Variants in MTSS1 observed in about 807,000 individuals in gnomAD.
MTSS1 encodes protein MTSS 1.
In MTSS1, 18 loss-of-function variants were observed where a neutral mutation model predicts 79.0. That is an observed-to-expected ratio of 0.23 (90% CI 0.16 to 0.34). The LOEUF (loss-of-function observed/expected upper bound fraction) is 0.34. MTSS1 is among the 10% of genes least tolerant of loss of function. MTSS1 has a pLI of 1.00. For synonymous variants in MTSS1, 341 were observed against 368.6 expected (o/e 0.93, Z 0.86); for missense variants, 815 against 986.2 (o/e 0.83, Z 2.33).
At chr8:124,641,536 G>A (rs1361762529) in intron 3 of MTSS1, among the ~76,000 whole-genome samples, 7 of 152,186 alleles carry the variant, frequency 4.6e-5, no homozygotes, top group Admixed American at 4.6e-4. Context: ...TTGGAACACA[G>A]AAATTACTCA....
Position 124,648,987 on chromosome 8 carries a change from CAG to C in MTSS1, c.208+50537_208+50538del, listed in dbSNP as rs1428769054. 3.9e-5 allele frequency among the ~76,000 whole-genome samples: 6 copies of C among 152,258 alleles called. 1 individual carries two copies. The highest frequency in any genetic ancestry group is 2.0e-4 in the Admixed American group (3 of 15,286). ...GGATCCAGATTAATCTTCTCCAAAA[CAG>C]AGAGTTTCCCTTTCTATCTGTTGTG... is the stretch of plus-strand genomic sequence containing the variant. On this transcript the variant is annotated intron_variant, in intron 3 of 13. Coordinates refer to ENST00000518547, the MANE Select transcript of MTSS1 (RefSeq NM_014751.6).
At chr8:124,572,217 TAAAGGACTCTC>T (rs1827937307) in intron 6 of MTSS1, among the ~76,000 whole-genome samples, 1 of 152,136 alleles carries the variant, frequency 6.6e-6, no homozygotes, top group Non-Finnish European at 1.5e-5. Context: ...GTATTATAAT[TAAAGGACTCTC>T]AAATTGTAGC....
intron 1 of MTSS1, among the ~76,000 whole-genome samples, chr8:124,715,290 A>G (rs1831765065): frequency 6.6e-6 from 1 of 151,900 alleles, no homozygotes; most frequent in South Asian, 2.1e-4. Context: ...AAATACACAC[A>G]TACCTCTGTA....
At chr8:124,611,437 C>A (rs995749050) in intron 3 of MTSS1, among the ~76,000 whole-genome samples, 1 of 152,164 alleles carries the variant, frequency 6.6e-6, no homozygotes, top group Non-Finnish European at 1.5e-5. Flanking sequence ...AACACACGAC[C>A]TCCAGCTGTC....
chr8:124,663,632 C>T (rs1276438568), intron 3 of MTSS1, among the ~76,000 whole-genome samples: 2 of 152,156 alleles, frequency 1.3e-5, no homozygotes, highest in East Asian at 3.8e-4. Flanking sequence ...GCATATGTGG[C>T]TCCTTATTCC....
intron 5 of MTSS1, among the ~76,000 whole-genome samples, chr8:124,588,407 C>T (rs547815789): frequency 6.6e-6 from 1 of 152,346 alleles, no homozygotes; most frequent in South Asian, 2.1e-4. Context: ...ATGACCTGAA[C>T]AGGGGATGAG....
intron 3 of MTSS1, among the ~76,000 whole-genome samples, chr8:124,618,528 A>G (rs1812848701): frequency 6.6e-6 from 1 of 152,100 alleles, no homozygotes; most frequent in South Asian, 2.1e-4. Context: ...GGCAGAGTAG[A>G]CTCGGTGAAC....
At chr8:124,565,332 C>T (rs1826157376) in intron 9 of MTSS1, among the ~76,000 whole-genome samples, 2 of 152,236 alleles carry the variant, frequency 1.3e-5, no homozygotes, top group Admixed American at 6.5e-5. Flanking sequence ...AACCCAGGTT[C>T]ACCATTTTTT....
chr8:124,559,727 C>A (rs76933982), intron 10 of MTSS1, among the ~76,000 whole-genome samples: 12,013 of 152,190 alleles, frequency 0.079, 619 homozygotes, highest in Non-Finnish European at 0.11. Flanking sequence ...GTGCTCAAAA[C>A]ATAATGAATG....
At chr8:124,673,735 C>T (rs985938888) in intron 3 of MTSS1, among the ~76,000 whole-genome samples, 1 of 152,208 alleles carries the variant, frequency 6.6e-6, no homozygotes, top group Non-Finnish European at 1.5e-5. Context: ...TGTGGTGTGT[C>T]GAGCAGAGGA....
intron 3 of MTSS1, among the ~76,000 whole-genome samples, chr8:124,629,922 T>C (rs1228890445): frequency 6.6e-6 from 1 of 152,198 alleles, no homozygotes; most frequent in African/African-American, 2.4e-5. Flanking sequence ...ATGGAGCTAC[T>C]GCCCAGTGGC....
rs1363849264 is a variant in MTSS1, at chr8:124,683,502, G to T, written c.208+16024C>A. Among the ~76,000 whole-genome samples, 2 of 152,170 alleles carry T rather than the reference G, an allele frequency of 1.3e-5. No individual in the cohort carries two copies. Among genetic ancestry groups the T allele is most frequent in the Non-Finnish European group, 2.9e-5 (2 of 68,036 alleles). On this transcript the variant is annotated intron_variant, in intron 3 of 13. Coordinates refer to ENST00000518547, the MANE Select transcript of MTSS1 (RefSeq NM_014751.6). This position sits in a 1 kb window ranked among gnomAD's most constrained non-coding sequence, Gnocchi z 4.5. ...GCCAGCTTCTCTGACACCCTGGAAA[G>T]GAACTCAGAAACACAGGTGTCTCTC...
intron 1 of MTSS1, among the ~76,000 whole-genome samples, chr8:124,707,763 C>T (rs1830604036): frequency 6.6e-6 from 1 of 152,036 alleles, no homozygotes; most frequent in South Asian, 2.1e-4. Context: ...GTAGTCCTAG[C>T]TACTCAGGAG....
rs532327413 is a variant in MTSS1 at position 124,552,977 on chromosome 8, G to A, written c.*15C>T. 95 of 1,605,012 alleles carry A rather than the reference G, an allele frequency of 5.9e-5. No homozygotes were observed. The highest frequency in any genetic ancestry group is 7.2e-5 in the Non-Finnish European group (84 of 1,172,830). ...ATGAAACAGTTCATTCCCCACCGGC[G>A]CATTTCTTGTGAACCTAAGAAAAGC... On this transcript the variant is annotated 3_prime_UTR_variant, in exon 14 of 14. Coordinates refer to ENST00000518547, the MANE Select transcript of MTSS1 (RefSeq NM_014751.6).
intron 3 of MTSS1, among the ~76,000 whole-genome samples, chr8:124,672,652 TA>T (rs1360990234): frequency 1.4e-5 from 2 of 140,874 alleles, no homozygotes; most frequent in East Asian, 4.1e-4. Context: ...CAAAATAATT[TA>T]AAAAAAAATA....
At chr8:124,708,387 G>A (rs1037356023) in intron 1 of MTSS1, among the ~76,000 whole-genome samples, 1 of 152,174 alleles carries the variant, frequency 6.6e-6, no homozygotes, top group African/African-American at 2.4e-5. Context: ...GGGACAGACT[G>A]TAAAGTCTAA....
chr8:124,567,297 G>C, intron 7 of MTSS1, 119 bp from the exon 8 acceptor site: 1 of 828,232 alleles, frequency 1.2e-6, no homozygotes, highest in African/African-American at 1.7e-5. Context: ...AAAAGGCACT[G>C]TTGGGACTGG....
intron 9 of MTSS1, chr8:124,563,528 C>A: frequency 6.1e-6 from 1 of 163,792 alleles, no homozygotes; most frequent in Non-Finnish European, 1.4e-5. Context: ...TGATTTCATC[C>A]TAGCTGAGTC....
Position 124,636,168 on chromosome 8 carries a change from C to T in MTSS1, c.209-44933G>A, listed in dbSNP as rs142514422. Among the ~76,000 whole-genome samples, 5 of 152,274 alleles carry T rather than the reference C, an allele frequency of 3.3e-5. No individual in the cohort carries two copies. In the East Asian group the frequency reaches 7.7e-4, roughly 24 times the overall value. ...TCTTTGAGATGGAGTCTCCCTCTGT[C>T]GCCCAGGCTGGAGTGCAGTGGCACG... On this transcript the variant is annotated intron_variant, in intron 3 of 13. Transcript: ENST00000518547.
Sources: allele counts gnomAD v4.1 joint callset (sites outside exome capture counted in the v4.1 genomes callset), GRCh38; gene constraint gnomAD v4.1.1; non-coding constraint Gnocchi (gnomAD v3.1); transcripts MANE v1.5; gene names NCBI Gene and HGNC (gene_info 2026-07-23, HGNC 2026-07-21).